RPS6KA2: variants seen among roughly 807,000 people sequenced by gnomAD.
RPS6KA2 encodes the protein ribosomal protein S6 kinase A2, also known as ribosomal protein S6 kinase alpha-2.
In RPS6KA2, 42 loss-of-function variants were observed where a neutral mutation model predicts 91.8. The observed-to-expected ratio is 0.46, with a 90% CI of 0.36 to 0.59. The LOEUF (loss-of-function observed/expected upper bound fraction) is 0.59. Among genes scored for constraint, RPS6KA2 ranks in the 20% least tolerant of loss-of-function variants. The pLI, the probability that RPS6KA2 is intolerant of heterozygous loss-of-function variation, is 0.00. For synonymous variants in RPS6KA2, 414 were observed against 393.6 expected (o/e 1.05, Z -0.61); for missense variants, 798 against 978.5 (o/e 0.82, Z 2.46).
intron 2 of RPS6KA2, among the ~76,000 whole-genome samples, chr6:166,640,253 A>C (rs2128549560): frequency 6.6e-6 from 1 of 152,356 alleles, no homozygotes; most frequent in Admixed American, 6.5e-5. Flanking sequence ...AAATTTCTCA[A>C]GATCTGGCAT....
intron 1 of RPS6KA2, among the ~76,000 whole-genome samples, chr6:166,608,003 T>C (rs1786014667): frequency 6.7e-6 from 1 of 149,692 alleles, no homozygotes; most frequent in Non-Finnish European, 1.5e-5. Context: ...AGGCAAAACC[T>C]TGTCTCAGAA....
chr6:166,757,639 A>G (rs1289485755), intron 2 of RPS6KA2: 1 of 455,604 alleles, frequency 2.2e-6, no homozygotes, highest in Non-Finnish European at 4.4e-6. Context: ...CTGCCAGGGC[A>G]GCCGCCACTC....
At chr6:166,716,766 C>T (rs1790025724) in intron 2 of RPS6KA2, among the ~76,000 whole-genome samples, 1 of 152,126 alleles carries the variant, frequency 6.6e-6, no homozygotes. Context: ...AAATTTAACA[C>T]GGAAGTACCA....
chr6:166,832,085 T>TAG (rs1562462345), intron 2 of RPS6KA2, among the ~76,000 whole-genome samples: 22 of 143,388 alleles, frequency 1.5e-4, no homozygotes, highest in African/African-American at 5.1e-4. Context: ...TAGATAGATA[T>TAG]AGATAATCTA....
Position 166,418,376 on chromosome 6 carries a change from T to C in RPS6KA2, c.1821-34A>G. 6 of 1,498,650 alleles carry C rather than the reference T, an allele frequency of 4.0e-6. No homozygotes were observed. Among genetic ancestry groups the C allele is most frequent in the Non-Finnish European group, 5.6e-6 (6 of 1,077,050 alleles). 92.8% of individuals were successfully genotyped at this position (1,498,650 alleles called of 1,614,324 possible). On this transcript the variant is annotated intron_variant, in intron 18 of 20. Transcript: ENST00000265678. The surrounding 1 kb of genome is among the most constrained non-coding windows in gnomAD (Gnocchi z 4.9). The stretch of plus-strand genomic sequence containing the variant: ...TTAGACAAATTTGTGGTAATGAGCT[T>C]GTATTTTACAACCTAAAATAAAGTT...
intron 2 of RPS6KA2, among the ~76,000 whole-genome samples, chr6:166,850,860 C>A (rs182099574): frequency 6.6e-6 from 1 of 152,046 alleles, no homozygotes; most frequent in Non-Finnish European, 1.5e-5. Flanking sequence ...CCTGTAGCAC[C>A]GAGATAAGGC....
At chr6:166,644,000 C>T (rs779200487) in intron 2 of RPS6KA2, among the ~76,000 whole-genome samples, 24 of 152,202 alleles carry the variant, frequency 1.6e-4, no homozygotes, top group Middle Eastern at 3.2e-3. Flanking sequence ...AATGGATAGA[C>T]GAGTGAAAGC....
chr6:166,477,595 A>G (rs1781023994), intron 10 of RPS6KA2, among the ~76,000 whole-genome samples: 1 of 152,214 alleles, frequency 6.6e-6, no homozygotes, highest in African/African-American at 2.4e-5. Context: ...ATCCTCTCCC[A>G]GCAATATAAT....
intron 1 of RPS6KA2, among the ~76,000 whole-genome samples, chr6:166,617,403 A>G (rs983051896): frequency 3.3e-5 from 5 of 152,226 alleles, no homozygotes; most frequent in African/African-American, 1.2e-4. Context: ...TTTTTCCCAA[A>G]AATGTTATTG....
At chr6:166,555,874 G>C (rs1307566004) in intron 1 of RPS6KA2, among the ~76,000 whole-genome samples, 2 of 152,092 alleles carry the variant, frequency 1.3e-5, no homozygotes, top group African/African-American at 4.8e-5. Context: ...AGACTGTGGG[G>C]AAAAGGAAGG....
At chr6:166,591,910 C>A (rs1383433625) in intron 1 of RPS6KA2, among the ~76,000 whole-genome samples, 4 of 152,220 alleles carry the variant, frequency 2.6e-5, no homozygotes, top group Non-Finnish European at 4.4e-5. Context: ...AGCCCCCAAA[C>A]CCAAGCCGGC....
At chr6:166,778,883 A>G (rs984938245) in intron 2 of RPS6KA2, among the ~76,000 whole-genome samples, 1 of 152,222 alleles carries the variant, frequency 6.6e-6, no homozygotes, top group African/African-American at 2.4e-5. Context: ...GCGTCTGGTG[A>G]GAGTTGGAGA....
intron 2 of RPS6KA2, among the ~76,000 whole-genome samples, chr6:166,789,239 G>A (rs987677985): frequency 6.6e-6 from 1 of 152,182 alleles, no homozygotes; most frequent in Non-Finnish European, 1.5e-5. Flanking sequence ...AGGGTCCTAC[G>A]CCCACGGAGT....
At chr6:166,588,098 T>A (rs1785239692) in intron 1 of RPS6KA2, among the ~76,000 whole-genome samples, 1 of 152,190 alleles carries the variant, frequency 6.6e-6, no homozygotes, top group African/African-American at 2.4e-5. Context: ...CAGGGGACCT[T>A]CGTTTTGCTC....
At chr6:166,461,499 GGAGAGAGA>G (rs3830733) in intron 11 of RPS6KA2, among the ~76,000 whole-genome samples, 2 of 129,790 alleles carry the variant, frequency 1.5e-5, no homozygotes, top group South Asian at 2.6e-4. Context: ...GGAGAGAGGT[GGAGAGAGA>G]GAGAGAGAGA....
At chr6:166,826,260 T>C (rs896607322) in intron 2 of RPS6KA2, among the ~76,000 whole-genome samples, 1 of 152,244 alleles carries the variant, frequency 6.6e-6, no homozygotes, top group African/African-American at 2.4e-5. Context: ...TTTTCATTTG[T>C]TCTGAGAAAG....
At chr6:166,729,861 T>G (rs1231883574) in intron 2 of RPS6KA2, among the ~76,000 whole-genome samples, 1 of 152,220 alleles carries the variant, frequency 6.6e-6, no homozygotes, top group African/African-American at 2.4e-5. Context: ...ACCCACTTCC[T>G]GTGTGTGACG....
intron 5 of RPS6KA2, among the ~76,000 whole-genome samples, chr6:166,506,804 G>A (rs937684663): frequency 2.6e-5 from 4 of 152,140 alleles, no homozygotes; most frequent in African/African-American, 9.7e-5. Flanking sequence ...GGAGTGGGGG[G>A]TGTGAAGGCC....
intron 2 of RPS6KA2, among the ~76,000 whole-genome samples, chr6:166,802,719 C>T (rs183256398): frequency 2.8e-4 from 42 of 152,318 alleles, no homozygotes; most frequent in African/African-American, 9.9e-4. Context: ...GGCCATGACT[C>T]AGCCAATTCC....
Sources: allele counts gnomAD v4.1 joint callset (sites outside exome capture counted in the v4.1 genomes callset), GRCh38; gene constraint gnomAD v4.1.1; non-coding constraint Gnocchi (gnomAD v3.1); transcripts MANE v1.5; gene names NCBI Gene and HGNC (gene_info 2026-07-23, HGNC 2026-07-21).